Variants in PRLR observed in about 807,000 individuals in gnomAD.
PRLR encodes prolactin receptor, also known as hPRL receptor.
In PRLR, 13 loss-of-function variants were observed where a neutral mutation model predicts 40.2. The ratio of observed to expected loss-of-function variants is 0.32; its 90% CI spans 0.21 to 0.51. PRLR has a LOEUF of 0.51. Among genes scored for constraint, PRLR ranks in the 20% least tolerant of loss-of-function variants. The pLI is 0.97. For synonymous variants in PRLR, 269 were observed against 278.7 expected (o/e 0.97, Z 0.35); for missense variants, 656 against 747.3 (o/e 0.88, Z 1.42).
intron 3 of PRLR, among the ~76,000 whole-genome samples, chr5:35,087,422 T>TTGTG (rs10691744): frequency 0.11 from 14,825 of 140,782 alleles, 1,369 homozygotes; most frequent in African/African-American, 0.25. Context: ...TCTCTTTCCT[T>TTGTG]TGTGTGTGTG....
chr5:35,148,921 C>A (rs900189541), intron 1 of PRLR, among the ~76,000 whole-genome samples: 1 of 151,752 alleles, frequency 6.6e-6, no homozygotes, highest in Non-Finnish European at 1.5e-5. Flanking sequence ...TATATAGATA[C>A]AGAATTTTAA....
intron 1 of PRLR, among the ~76,000 whole-genome samples, chr5:35,217,583 C>T (rs1776315068): frequency 6.6e-6 from 1 of 152,092 alleles, no homozygotes; most frequent in Non-Finnish European, 1.5e-5. Flanking sequence ...TGTGAGATAA[C>T]TTTAAAAGGG....
chr5:35,103,926 A>G (rs1772056316), intron 2 of PRLR, among the ~76,000 whole-genome samples: 2 of 152,212 alleles, frequency 1.3e-5, no homozygotes, highest in African/African-American at 4.8e-5. Flanking sequence ...TTGATTGCCT[A>G]AAAGATCCTA....
rs1770732449 is a variant in PRLR at position 35,084,656 on chromosome 5, A to G, written c.204-17T>C. 6 of 1,602,452 alleles carry G rather than the reference A, an allele frequency of 3.7e-6. No homozygotes were observed. In the African/African-American group the frequency reaches 5.4e-5, roughly 14 times the overall value. ...AGTGTCTCTCTGCAATAAGTAATGT[A>G]TTAGGAATGAATAAGAAAGTAATAA... On this transcript the variant is annotated splice_polypyrimidine_tract_variant and intron_variant, in intron 4 of 9. Transcript: ENST00000618457.
exon 9 of PRLR, chr5:35,049,245 G>A (rs1198472946): frequency 4.3e-6 from 3 of 702,712 alleles, no homozygotes; most frequent in Non-Finnish European, 7.8e-6. Flanking sequence ...ACAGAGGGGA[G>A]AAAATGTTGA....
At chr5:35,143,944 C>T (rs929625494) in intron 1 of PRLR, among the ~76,000 whole-genome samples, 2 of 151,496 alleles carry the variant, frequency 1.3e-5, no homozygotes, top group South Asian at 2.1e-4. Context: ...ATCATGGGCC[C>T]GATCATAATT....
chr5:35,134,858 G>A (rs1369114873), intron 1 of PRLR, among the ~76,000 whole-genome samples: 5 of 152,274 alleles, frequency 3.3e-5, no homozygotes, highest in Admixed American at 6.5e-5. Flanking sequence ...CTGATTTAAT[G>A]GCGTGGGGTG....
At chr5:35,213,292 G>A (rs1417016228) in intron 1 of PRLR, among the ~76,000 whole-genome samples, 1 of 152,152 alleles carries the variant, frequency 6.6e-6, no homozygotes, top group East Asian at 1.9e-4. Flanking sequence ...GAATCCATAA[G>A]CATAGCTTAT....
In PRLR at chr5:35,206,542, A is replaced by C. The variant is rs531668333; in HGVS notation, c.-106+23726T>G. Among the ~76,000 whole-genome samples the C allele has an allele frequency of 1.4e-3, 212 of 152,248 alleles. 1 individual carries two copies. Among genetic ancestry groups the C allele is most frequent in the African/African-American group, 4.7e-3 (195 of 41,582 alleles). On this transcript the variant is annotated intron_variant, in intron 1 of 9. Transcript: ENST00000618457. Reference sequence around the variant, plus strand: ...AAATTATTCTTACCAATACTGAGGAAAGGTTGGAAGGAAGTAAAAATGGAT... The same window carrying C: ...AAATTATTCTTACCAATACTGAGGACAGGTTGGAAGGAAGTAAAAATGGAT...
At chr5:35,223,527 C>G (rs565990776) in intron 1 of PRLR, among the ~76,000 whole-genome samples, 2 of 152,200 alleles carry the variant, frequency 1.3e-5, no homozygotes, top group Non-Finnish European at 2.9e-5. Context: ...AACCCATGTA[C>G]ATTTCCACTG....
chr5:35,064,741 A>G lies in PRLR; in HGVS notation c.*348T>C, dbSNP rs1158548999. 1 of 182,938 alleles carries G rather than the reference A, an allele frequency of 5.5e-6. No individual in the cohort carries two copies. Among genetic ancestry groups the G allele is most frequent in the Non-Finnish European group, 1.1e-5 (1 of 87,478 alleles). The allele number at this position is 182,938 out of a possible 1,614,324, so 11.3% of individuals were successfully genotyped here. On this transcript the variant is annotated 3_prime_UTR_variant, in exon 10 of 10. Coordinates refer to ENST00000618457, the MANE Select transcript of PRLR (RefSeq NM_000949.7). Reference sequence around the variant, plus strand: ...CATCTTTCTATGGTAAACAATTTTGACAATTTCATTTCCGTCTGTCCCATG... The same window carrying G: ...CATCTTTCTATGGTAAACAATTTTGGCAATTTCATTTCCGTCTGTCCCATG...
chr5:35,138,956 AG>A, intron 1 of PRLR, among the ~76,000 whole-genome samples: 1 of 152,298 alleles, frequency 6.6e-6, no homozygotes, highest in East Asian at 1.9e-4. Flanking sequence ...TCAGGGACTG[AG>A]GGGTAGGAGA....
chr5:35,070,257 A>G lies in PRLR; in HGVS notation c.552T>C (p.Phe184=), dbSNP rs754577350. 2 of 1,613,870 alleles carry G rather than the reference A, an allele frequency of 1.2e-6. No homozygotes were observed. The highest frequency in any genetic ancestry group is 4.5e-5 in the East Asian group (2 of 44,862). The stretch of plus-strand genomic sequence containing the variant: ...TCTTAAACTCTGTTTGCTGCCCAGC[A>G]AAATGGATCTAAGGTAGAATAAGGA... ...PEKAAEWEIH[F]AGQQTEFKIL... Residue 184 remains phenylalanine, a synonymous_variant, in exon 7 of 10, where the codon TTT becomes TTC. Transcript: ENST00000618457.
At chr5:35,053,982 A>G (rs1768598765), downstream of PRLR, among the ~76,000 whole-genome samples, 1 of 152,238 alleles carries the variant, frequency 6.6e-6, no homozygotes, top group African/African-American at 2.4e-5. Context: ...AAAAGCCTGG[A>G]CTAACATTTG....
chr5:35,118,631 C>A (rs1419143186), intron 1 of PRLR, among the ~76,000 whole-genome samples: 2 of 152,120 alleles, frequency 1.3e-5, no homozygotes, highest in Non-Finnish European at 1.5e-5. Flanking sequence ...GATTAGATTT[C>A]ATAAAATTTG....
chr5:35,119,386 T>A (rs113780277), intron 1 of PRLR, among the ~76,000 whole-genome samples: 8,610 of 145,542 alleles, frequency 0.059, 329 homozygotes, highest in African/African-American at 0.1. Flanking sequence ...TCTCTCTCTC[T>A]CACACACACA....
chr5:35,084,717 A>C, intron 4 of PRLR, 78 bp from the exon 5 acceptor site: 1 of 1,372,970 alleles, frequency 7.3e-7, no homozygotes, highest in Non-Finnish European at 9.9e-7. Context: ...GATCAATACC[A>C]CTGGCCTTTG....
At position 35,072,740 on chromosome 5, in the gene PRLR, C is replaced by G; in HGVS notation, c.378G>C (p.Gln126His). 1 of 1,613,874 alleles carries G rather than the reference C, an allele frequency of 6.2e-7. No homozygotes were observed. Among genetic ancestry groups the G allele is most frequent in the Non-Finnish European group, 8.5e-7 (1 of 1,179,952 alleles). Residue 126 changes from glutamine to histidine, a missense_variant, in exon 6 of 10, where the codon CAG becomes CAC. By Grantham distance (24) the Gln-to-His change is conservative. Transcript: ENST00000618457. Reference sequence around the variant, plus strand: ...CAGCCAGCTCCAAAGGAGGGTCTGGCTGAACTGCAGAAATACAGCAAATGC... The same window carrying G: ...CAGCCAGCTCCAAAGGAGGGTCTGGGTGAACTGCAGAAATACAGCAAATGC... ...ELYVDVTYIV[Q>H]PDPPLELAVE...
At chr5:35,070,037 T>G in intron 7 of PRLR, 87 bp downstream of exon 7, 1 of 1,438,604 alleles carries the variant, frequency 7.0e-7, no homozygotes, top group Non-Finnish European at 9.3e-7. Context: ...AGGCTCAAAA[T>G]GGTTTCTCTA....
Sources: gnomAD v4.1 joint callset for allele counts (sites outside exome capture counted in the v4.1 genomes callset) on GRCh38, gnomAD v4.1.1 for gene constraint, MANE v1.5 for transcripts, NCBI Gene and HGNC (gene_info 2026-07-23, HGNC 2026-07-21) for gene names.